NGDN: variants seen among roughly 807,000 people sequenced by gnomAD.
The protein encoded by NGDN is EIF4E-binding protein.
In NGDN, 41 loss-of-function variants were observed where a neutral mutation model predicts 45.2. The observed-to-expected ratio is 0.91, with a 90% CI of 0.71 to 1.18. NGDN has a LOEUF of 1.18. Ranked by LOEUF, NGDN falls within the 50% of genes most tolerant of loss-of-function variation. The pLI is 0.00. For synonymous variants in NGDN, 137 were observed against 130.9 expected (o/e 1.05, Z -0.32); for missense variants, 402 against 399.9 (o/e 1.01, Z -0.05).
chr14:23,470,893 G>C lies in NGDN; in HGVS notation c.73-13G>C. Reference sequence around the variant, plus strand: ...TATAATCTAATCACTTGTTTTATTTGGGCTAATTTCAGGTGATGGCTGTAA... The same window carrying C: ...TATAATCTAATCACTTGTTTTATTTCGGCTAATTTCAGGTGATGGCTGTAA... On this transcript the variant is annotated splice_polypyrimidine_tract_variant and intron_variant, in intron 2 of 10. Transcript: ENST00000408901. The C allele has an allele frequency of 3.2e-6, 5 of 1,561,816 alleles. No homozygotes were observed. The highest frequency in any genetic ancestry group is 4.3e-6 in the Non-Finnish European group (5 of 1,158,800).
chr14:23,476,728 C>G (rs1028176729), intron 8 of NGDN, among the ~76,000 whole-genome samples: 1 of 152,206 alleles, frequency 6.6e-6, no homozygotes, highest in African/African-American at 2.4e-5. Context: ...TTCACTGTCA[C>G]AGCTCTCACT....
intron 1 of NGDN, 94 bp from the exon 2 acceptor site, chr14:23,469,948 C>T: frequency 7.3e-7 from 1 of 1,378,204 alleles, no homozygotes. Flanking sequence ...GGGTGTCTGA[C>T]GGAGAGAGGG....
Position 23,475,715 on chromosome 14 carries a change from A to T in NGDN, c.368-11A>T. ...CAAATTTTGTAAAATTCATTGGGTT[A>T]TTTATTTCAGGTGAGAATGACCCAC... On this transcript the variant is annotated splice_polypyrimidine_tract_variant and intron_variant, in intron 5 of 10. Transcript: ENST00000408901. 1 of 1,613,966 alleles carries T rather than the reference A, an allele frequency of 6.2e-7. No homozygotes were observed. The highest frequency in any genetic ancestry group is 1.1e-5 in the South Asian group (1 of 91,074).
At chr14:23,478,297 T>C (rs557843236), downstream of NGDN, 1 of 399,038 alleles carries the variant, frequency 2.5e-6, no homozygotes, top group African/African-American at 2.1e-5. Context: ...TTGTTTTCTT[T>C]GATAATATAT....
intron 3 of NGDN, 60 bp from the exon 4 acceptor site, chr14:23,475,111 T>A (rs1893865932): frequency 1.5e-5 from 24 of 1,551,728 alleles, no homozygotes; most frequent in Non-Finnish European, 2.0e-5. Flanking sequence ...TACCCTAGGC[T>A]TTCATCTGGT....
At chr14:23,469,750 C>T (rs1893728190) in intron 1 of NGDN, 23 bp downstream of exon 1, 8 of 1,614,074 alleles carry the variant, frequency 5.0e-6, no homozygotes, top group East Asian at 2.2e-5. Context: ...TGGTTTCTTC[C>T]TCGCGTAGCT....
chr14:23,475,928 CT>C, intron 6 of NGDN, 100 bp from the exon 7 acceptor site: 1 of 1,512,870 alleles, frequency 6.6e-7, no homozygotes. Flanking sequence ...CCTTTTTTCC[CT>C]TTTTATATTC....
At chr14:23,475,422 G>A in intron 4 of NGDN, 114 bp downstream of exon 4, 1 of 1,372,898 alleles carries the variant, frequency 7.3e-7, no homozygotes, top group Non-Finnish European at 1.0e-6. Context: ...AACCAAATGA[G>A]AAAAGGTATT....
At chr14:23,475,917 C>A in intron 6 of NGDN, 112 bp from the exon 7 acceptor site, 1 of 1,473,862 alleles carries the variant, frequency 6.8e-7, no homozygotes, top group Non-Finnish European at 9.3e-7. Context: ...GTTTGAGATT[C>A]CCTTTTTTCC....
chr14:23,472,912 C>T (rs534900776), intron 3 of NGDN, among the ~76,000 whole-genome samples: 1 of 152,244 alleles, frequency 6.6e-6, no homozygotes, highest in South Asian at 2.1e-4. Flanking sequence ...GCTTGTAGCT[C>T]AGTTTGAATT....
At chr14:23,471,001 C>G in intron 3 of NGDN, 24 bp downstream of exon 3, 1 of 1,447,018 alleles carries the variant, frequency 6.9e-7, no homozygotes, top group East Asian at 2.6e-5. Flanking sequence ...AAACAGTAAG[C>G]ATCCCCTGAC....
intron 3 of NGDN, among the ~76,000 whole-genome samples, chr14:23,473,655 T>A (rs1007322314): frequency 5.9e-5 from 9 of 152,028 alleles, no homozygotes; most frequent in African/African-American, 2.2e-4. Context: ...CGAAACCCCG[T>A]CTCTTAAATC....
chr14:23,470,159 T>C, intron 2 of NGDN, 58 bp downstream of exon 2: 7 of 1,472,052 alleles, frequency 4.8e-6, no homozygotes, highest in Non-Finnish European at 9.5e-7. Flanking sequence ...GTTTGTGTAC[T>C]TCACCTCAAA....
At chr14:23,478,683 G>A (rs1893959102), downstream of NGDN, 1 of 149,392 alleles carries the variant, frequency 6.7e-6, no homozygotes, top group Admixed American at 6.8e-5. Context: ...TGAGTAAGAA[G>A]GCTAGAGTGA....
At chr14:23,475,389 G>A in intron 4 of NGDN, 81 bp downstream of exon 4, 1 of 1,431,720 alleles carries the variant, frequency 7.0e-7, no homozygotes, top group South Asian at 1.3e-5. Flanking sequence ...TCTCATTTAA[G>A]TGAGTCTTCT....
At chr14:23,473,124 C>T (rs747659514) in intron 3 of NGDN, among the ~76,000 whole-genome samples, 7 of 152,138 alleles carry the variant, frequency 4.6e-5, no homozygotes, top group Admixed American at 6.6e-5. Flanking sequence ...CTCAGCCTTC[C>T]GAGTAGCTGG....
chr14:23,469,915 C>G (rs1893732412), intron 1 of NGDN, 127 bp from the exon 2 acceptor site: 10 of 1,248,606 alleles, frequency 8.0e-6, no homozygotes, highest in Non-Finnish European at 1.1e-5. Flanking sequence ...GTCTGTGAAC[C>G]CGAGTGTGAA....
intron 2 of NGDN, 104 bp downstream of exon 2, chr14:23,470,205 A>T (rs1893742444): frequency 1.0e-6 from 1 of 959,892 alleles, no homozygotes; most frequent in Non-Finnish European, 1.7e-6. Context: ...GCTTCCAAAA[A>T]CCTTAGAGTA....
chr14:23,476,637 G>A (rs1893911117), intron 8 of NGDN, among the ~76,000 whole-genome samples: 1 of 152,130 alleles, frequency 6.6e-6, no homozygotes, highest in African/African-American at 2.4e-5. Context: ...ATTGCAATTC[G>A]ACATGAGATT....
Sources: allele counts gnomAD v4.1 joint callset (sites outside exome capture counted in the v4.1 genomes callset), GRCh38; gene constraint gnomAD v4.1.1; transcripts MANE v1.5; gene names NCBI Gene and HGNC (gene_info 2026-07-23, HGNC 2026-07-21).